The following CLVS1 variants were observed in gnomAD, a reference collection of about 807,000 sequenced individuals.
The protein encoded by CLVS1 is clavesin 1.
CLVS1 carries 10 observed loss-of-function variants against 33.1 expected under a neutral mutation model. That is an observed-to-expected ratio of 0.30 (90% CI 0.19 to 0.51). The LOEUF is 0.51. Among genes scored for constraint, CLVS1 ranks in the 20% least tolerant of loss-of-function variants. The pLI is 0.97. For synonymous variants in CLVS1, 163 were observed against 166.1 expected (o/e 0.98, Z 0.14); for missense variants, 343 against 433.4 (o/e 0.79, Z 1.85).
chr8:61,375,985 G>A (rs751662768), intron 2 of CLVS1, among the ~76,000 whole-genome samples: 8 of 152,144 alleles, frequency 5.3e-5, no homozygotes, highest in Admixed American at 1.3e-4. Flanking sequence ...TACTCAAAGC[G>A]AATTCCCTCC....
chr8:61,195,321 C>T (rs112823354), intron 2 of CLVS1, among the ~76,000 whole-genome samples: 2,431 of 151,324 alleles, frequency 0.016, 24 homozygotes, highest in Non-Finnish European at 0.026. Context: ...AGAGAGATTC[C>T]AAATGATCCA....
At chr8:61,082,571 A>G (rs185494360) in intron 1 of CLVS1, among the ~76,000 whole-genome samples, 59 of 152,356 alleles carry the variant, frequency 3.9e-4, no homozygotes, top group African/African-American at 1.2e-3. Context: ...AGACAAACAG[A>G]AAAATCTTGA....
chr8:61,224,568 C>T (rs914593349), intron 2 of CLVS1, among the ~76,000 whole-genome samples: 1 of 152,106 alleles, frequency 6.6e-6, no homozygotes, highest in African/African-American at 2.4e-5. Flanking sequence ...GACCCGACTT[C>T]GAGGGGCACC....
chr8:61,094,728 G>A (rs1288762514), intron 1 of CLVS1, among the ~76,000 whole-genome samples: 1 of 152,156 alleles, frequency 6.6e-6, no homozygotes, highest in Admixed American at 6.5e-5. Flanking sequence ...GTTCTGCTGA[G>A]GGCACAGGAA....
the CLVS1 span, among the ~76,000 whole-genome samples, chr8:61,009,853 G>A: frequency 1.3e-5 from 2 of 152,194 alleles, no homozygotes; most frequent in Non-Finnish European, 2.9e-5. Flanking sequence ...CTATCTTGAG[G>A]ATTAACTTCC....
intron 2 of CLVS1, among the ~76,000 whole-genome samples, chr8:61,262,891 C>T (rs867758960): frequency 1.3e-5 from 2 of 152,302 alleles, no homozygotes; most frequent in East Asian, 1.9e-4. Flanking sequence ...TGAGGCACTA[C>T]GCATCTGCTC....
chr8:61,048,656 G>C, the CLVS1 span, among the ~76,000 whole-genome samples: 13 of 152,256 alleles, frequency 8.5e-5, no homozygotes, highest in African/African-American at 2.9e-4. Context: ...GGTATAGAAG[G>C]CAGGACCTTT....
At chr8:61,222,580 C>T (rs772457280) in intron 2 of CLVS1, among the ~76,000 whole-genome samples, 9 of 152,104 alleles carry the variant, frequency 5.9e-5, no homozygotes, top group East Asian at 1.9e-4. Flanking sequence ...TGTGCTGAGG[C>T]GTCTTTTACT....
chr8:61,210,347 T>A (rs1337287768), intron 2 of CLVS1, among the ~76,000 whole-genome samples: 1 of 152,254 alleles, frequency 6.6e-6, no homozygotes, highest in African/African-American at 2.4e-5. Flanking sequence ...AAACTGCCGA[T>A]GTCTTGGTCT....
intron 5 of CLVS1, among the ~76,000 whole-genome samples, chr8:61,481,274 C>T (rs770107223): frequency 5.9e-5 from 9 of 152,180 alleles, no homozygotes; most frequent in Non-Finnish European, 1.0e-4. Flanking sequence ...TGAGCAGCTC[C>T]AGTCTGCAGC....
chr8:61,211,254 C>T (rs994193211), intron 2 of CLVS1, among the ~76,000 whole-genome samples: 12 of 151,898 alleles, frequency 7.9e-5, no homozygotes, highest in Non-Finnish European at 1.8e-4. Context: ...ATAGATAGTC[C>T]CTAGAGATTC....
At chr8:61,023,220 C>T in the CLVS1 span, among the ~76,000 whole-genome samples, 1 of 152,222 alleles carries the variant, frequency 6.6e-6, no homozygotes, top group East Asian at 1.9e-4. Flanking sequence ...AATTCTTTAA[C>T]ATGGATGTTT....
chr8:61,235,029 G>T (rs1292189120), intron 2 of CLVS1, among the ~76,000 whole-genome samples: 2 of 152,168 alleles, frequency 1.3e-5, no homozygotes, highest in Non-Finnish European at 2.9e-5. Flanking sequence ...TTTCTGACTG[G>T]TCTAACTGCA....
At chr8:61,486,090 G>A (rs1372497675) in intron 5 of CLVS1, among the ~76,000 whole-genome samples, 1 of 129,718 alleles carries the variant, frequency 7.7e-6, no homozygotes, top group Non-Finnish European at 1.7e-5. Context: ...ACAACTTAAA[G>A]TATAATTAAA....
upstream of CLVS1, chr8:61,057,075 G>C (rs1018494355): frequency 6.6e-6 from 1 of 152,174 alleles, no homozygotes; most frequent in Admixed American, 6.5e-5. Flanking sequence ...GGGAGTAGGA[G>C]CCAGACAAAG....
At chr8:61,302,868 A>T (rs1353982430) in intron 2 of CLVS1, among the ~76,000 whole-genome samples, 1 of 152,202 alleles carries the variant, frequency 6.6e-6, no homozygotes, top group Non-Finnish European at 1.5e-5. Context: ...GCACATCTTC[A>T]CATAGTGGAG....
intron 3 of CLVS1, among the ~76,000 whole-genome samples, chr8:61,418,072 A>G (rs1381983824): frequency 6.6e-6 from 1 of 152,226 alleles, no homozygotes; most frequent in Non-Finnish European, 1.5e-5. Flanking sequence ...GAAGATCTGG[A>G]AGGGAGCCCG....
chr8:61,445,701 C>A (rs930248641), intron 3 of CLVS1, among the ~76,000 whole-genome samples: 2 of 152,088 alleles, frequency 1.3e-5, no homozygotes, highest in African/African-American at 4.8e-5. Flanking sequence ...GAAAGTGTTA[C>A]CTTCACTTCT....
chr8:60,997,311 C>A, the CLVS1 span, among the ~76,000 whole-genome samples: 1 of 152,106 alleles, frequency 6.6e-6, no homozygotes, highest in African/African-American at 2.4e-5. Flanking sequence ...GCTGGGAATC[C>A]TGGGAGCTGT....
Sources: gnomAD v4.1 joint callset for allele counts (sites outside exome capture counted in the v4.1 genomes callset) on GRCh38, gnomAD v4.1.1 for gene constraint, MANE v1.5 for transcripts, NCBI Gene and HGNC (gene_info 2026-07-23, HGNC 2026-07-21) for gene names.